The following ZFHX2 variants were observed in gnomAD, a reference collection of about 807,000 sequenced individuals.
ZFHX2 encodes zinc finger homeobox protein 2.
Under a neutral mutation model 164.8 loss-of-function variants are expected in ZFHX2, and 75 were observed. The observed-to-expected ratio is 0.46, with a 90% confidence interval of 0.38 to 0.55. ZFHX2 has a LOEUF of 0.55. Among genes scored for constraint, ZFHX2 ranks in the 20% least tolerant of loss-of-function variants. The pLI, the probability that ZFHX2 is intolerant of heterozygous loss-of-function variation, is 0.00. For missense variants in ZFHX2, 2,933 were observed against 3,308.0 expected (o/e 0.89, Z 2.78); for synonymous variants, 1,217 against 1,351.4 (o/e 0.90, Z 2.18).
intron 3 of ZFHX2, 180 bp from the exon 4 acceptor site, chr14:23,531,901 C>G: frequency 1.2e-6 from 1 of 808,484 alleles, no homozygotes; most frequent in Non-Finnish European, 1.7e-6. Flanking sequence ...CTCAGCCTCC[C>G]GAGTAGCTGG....
intron 1 of ZFHX2, chr14:23,537,871 T>A (rs1880356827): frequency 6.6e-6 from 1 of 152,208 alleles, no homozygotes; most frequent in Non-Finnish European, 1.5e-5. Flanking sequence ...CCCCACCTGG[T>A]GGGAATAACT....
rs1282831078 is a variant in ZFHX2, at chr14:23,522,362, G to C, written c.7319C>G (p.Thr2440Ser). 6.5e-7 allele frequency: 1 copy of C among 1,536,082 alleles called. No homozygotes were observed. Among genetic ancestry groups the C allele is most frequent in the Admixed American group, 2.0e-5 (1 of 50,980 alleles). The change falls in exon 10 of 10, where the codon ACT (threonine) becomes AGT (serine). Residue 2440 changes from threonine (T) to serine (S), a missense_variant. Coordinates refer to ENST00000419474, the MANE Select transcript of ZFHX2 (RefSeq NM_033400.3). ...GEVDELLTGS[T>S]GISTVDVTHR... Reference sequence around the variant, plus strand: ...GGTTACATCCACGGTGGAGATGCCAGTGCTGCCTGTCAGCAGCTCATCAAC... The same window carrying C: ...GGTTACATCCACGGTGGAGATGCCACTGCTGCCTGTCAGCAGCTCATCAAC...
At chr14:23,538,743 G>A (rs956803738) in intron 1 of ZFHX2, among the ~76,000 whole-genome samples, 7 of 152,184 alleles carry the variant, frequency 4.6e-5, no homozygotes, top group Non-Finnish European at 7.3e-5. Context: ...GAGGAAGAGG[G>A]TGGATCTGGT....
In ZFHX2 at chr14:23,523,075, C is replaced by T. The variant is rs1595132299; in HGVS notation, c.6739+128G>A. ...ATGCCCCTTCCCTCCCTTCTTTCCC[C>T]CAAGAGCCTGATGCAAAGGAAGGCC... On this transcript the variant is annotated intron_variant, in intron 9 of 9. Coordinates refer to ENST00000419474, the MANE Select transcript of ZFHX2 (RefSeq NM_033400.3). The surrounding 1 kb of genome is among the most constrained non-coding windows in gnomAD (Gnocchi z 4.1). The T allele has an allele frequency of 5.0e-6, 7 of 1,404,246 alleles. No homozygotes were observed. In the East Asian group the frequency reaches 1.8e-4, roughly 36 times the overall value. 87.0% of individuals were successfully genotyped at this position (1,404,246 alleles called of 1,614,324 possible). A position where few individuals can be genotyped will look rare whatever the true frequency, so the allele number is the denominator to read the frequency against.
At chr14:23,550,746 C>T (rs1444125646) in intron 1 of ZFHX2, among the ~76,000 whole-genome samples, 4 of 151,106 alleles carry the variant, frequency 2.6e-5, no homozygotes, top group Non-Finnish European at 5.9e-5. Flanking sequence ...CCCTCACCTA[C>T]TCAACACTTT....
Position 23,533,093 on chromosome 14 carries a change from C to T in ZFHX2, c.2042-9G>A. 6.6e-7 allele frequency: 1 copy of T among 1,508,406 alleles called. No homozygotes were observed. The highest frequency in any genetic ancestry group is 1.2e-5 in the South Asian group (1 of 80,304). 93.4% of individuals were successfully genotyped at this position (1,508,406 alleles called of 1,614,324 possible). A position where few individuals can be genotyped will look rare whatever the true frequency, so the allele number is the denominator to read the frequency against. On this transcript the variant is annotated splice_polypyrimidine_tract_variant and intron_variant, in intron 2 of 9. Transcript: ENST00000419474. This position sits in a 1 kb window ranked among gnomAD's most constrained non-coding sequence, Gnocchi z 4.8. The stretch of plus-strand genomic sequence containing the variant: ...GGATAGGCTTCCAGGGGCTAGAGGA[C>T]AGAGACAGATTAGTGGCCCAAGAAA...
Position 23,525,196 on chromosome 14 carries a change from G to A in ZFHX2, c.4746C>T (p.Ser1582=). The change falls in exon 9 of 10, where the codon AGC becomes AGT. Residue 1582 remains serine (S), a synonymous_variant. Coordinates refer to ENST00000419474, the MANE Select transcript of ZFHX2 (RefSeq NM_033400.3). This position sits in a 1 kb window ranked among gnomAD's most constrained non-coding sequence, Gnocchi z 5.9. The part of the protein sequence containing the change: ...GGHWPIEEEE[S]SRGNLPPLVP... ...CCAGGGGAGGAAGATTCCCTCTGGAGCTTTCTTCCTCTTCTATGGGCCAGT... is the reference window on the plus strand; with the variant it reads ...CCAGGGGAGGAAGATTCCCTCTGGAACTTTCTTCCTCTTCTATGGGCCAGT... 6 of 1,536,132 alleles carry A rather than the reference G, an allele frequency of 3.9e-6. No homozygotes were observed. Among genetic ancestry groups the A allele is most frequent in the Non-Finnish European group, 4.4e-6 (5 of 1,146,906 alleles).
intron 5 of ZFHX2, 55 bp from the exon 6 acceptor site, chr14:23,529,823 G>A: frequency 6.7e-7 from 1 of 1,497,882 alleles, no homozygotes; most frequent in Non-Finnish European, 9.0e-7. Flanking sequence ...AAGATGATTT[G>A]TAGCAGAGAG....
intron 6 of ZFHX2, 197 bp downstream of exon 6, chr14:23,529,513 G>T: frequency 1.7e-6 from 1 of 595,060 alleles, no homozygotes; most frequent in Non-Finnish European, 3.0e-6. Context: ...CTCCCTCTGT[G>T]CTTGACCCTG....
chr14:23,532,431 G>A (rs1839552084), intron 3 of ZFHX2, 136 bp downstream of exon 3: 3 of 1,097,214 alleles, frequency 2.7e-6, no homozygotes, highest in Non-Finnish European at 2.5e-6. Flanking sequence ...TGGTACATAT[G>A]TCATTACCTG....
chr14:23,525,686 C>T lies in ZFHX2; in HGVS notation c.4256G>A (p.Gly1419Asp). The T allele has an allele frequency of 6.5e-7, 1 of 1,530,242 alleles. No individual in the cohort carries two copies. Among genetic ancestry groups the T allele is most frequent in the Non-Finnish European group, 8.7e-7 (1 of 1,143,262 alleles). 94.8% of individuals were successfully genotyped at this position (1,530,242 alleles called of 1,614,324 possible). A position where few individuals can be genotyped will look rare whatever the true frequency, so the allele number is the denominator to read the frequency against. ...EWERPPMAKE[G>D]NEAGPSSPPD... is the part of the protein sequence containing the mutation. ...GGGTGAGGAAGGCCCTGCCTCATTA[C>T]CCTCTTTGGCCATGGGGGGCCGCTC... Residue 1419 changes from glycine (G) to aspartate (D), a missense_variant, in exon 9 of 10, where the codon GGT (glycine) becomes GAT (aspartate). Transcript: ENST00000419474. This position sits in a 1 kb window ranked among gnomAD's most constrained non-coding sequence, Gnocchi z 5.9.
Position 23,534,222 on chromosome 14 carries a change from G to T in ZFHX2, c.1104C>A (p.Gly368=), listed in dbSNP as rs1299409167. 1.3e-6 allele frequency: 2 copies of T among 1,509,802 alleles called. No individual in the cohort carries two copies. Among genetic ancestry groups the T allele is most frequent in the Non-Finnish European group, 1.8e-6 (2 of 1,132,802 alleles). The allele number at this position is 1,509,802 out of a possible 1,614,324, so 93.5% of individuals were successfully genotyped here. A position where few individuals can be genotyped will look rare whatever the true frequency, so the allele number is the denominator to read the frequency against. The part of the protein sequence containing the change: ...TQAKESPVAA[G]EAGPDWFPEG... ...CAGGGAACCAATCTGGCCCTGCCTC[G>T]CCTGCTGCTACTGGCGATTCTTTGG... is the stretch of plus-strand genomic sequence containing the variant. Residue 368 remains glycine (G), a synonymous_variant, in exon 2 of 10, where the codon GGC becomes GGA. Transcript: ENST00000419474. This position sits in a 1 kb window ranked among gnomAD's most constrained non-coding sequence, Gnocchi z 4.5.
chr14:23,534,144 G>T lies in ZFHX2; in HGVS notation c.1182C>A (p.Pro394=), dbSNP rs1879897919. Residue 394 remains proline, a synonymous_variant, in exon 2 of 10, where the codon CCC becomes CCA. Transcript: ENST00000419474. This position sits in a 1 kb window ranked among gnomAD's most constrained non-coding sequence, Gnocchi z 4.5. ...GLCPPLNQSS[P]TSKEGGTLPA... ...GGAGAGTGCCCCCCTCCTTGGAGGT[G>T]GGTGAGCTTTGGTTGAGTGGGGGGC... is the stretch of plus-strand genomic sequence containing the variant. 1.4e-6 allele frequency: 2 copies of T among 1,474,458 alleles called. No individual in the cohort carries two copies. Among genetic ancestry groups the T allele is most frequent in the Non-Finnish European group, 1.8e-6 (2 of 1,116,546 alleles). 91.3% of individuals were successfully genotyped at this position (1,474,458 alleles called of 1,614,324 possible).
rs1291295436 is a variant in ZFHX2 at position 23,520,943 on chromosome 14, C to T, written c.*1019G>A. 1 of 149,514 alleles carries T rather than the reference C, an allele frequency of 6.7e-6. No homozygotes were observed. Among genetic ancestry groups the T allele is most frequent in the Non-Finnish European group, 1.5e-5 (1 of 67,634 alleles). The allele number at this position is 149,514 out of a possible 1,614,324, so 9.3% of individuals were successfully genotyped here. A position where few individuals can be genotyped will look rare whatever the true frequency, so the allele number is the denominator to read the frequency against. On this transcript the variant is annotated 3_prime_UTR_variant, in exon 10 of 10. Transcript: ENST00000419474. This position sits in a 1 kb window ranked among gnomAD's most constrained non-coding sequence, Gnocchi z 8.7. The stretch of plus-strand genomic sequence containing the variant: ...GTTCATTCCTCTGGTGTCCGTTTCT[C>T]TCTTTTGTGCGCGTGTGCACGTACT...
At chr14:23,527,509 C>G in intron 7 of ZFHX2, 95 bp downstream of exon 7, 1 of 1,470,138 alleles carries the variant, frequency 6.8e-7, no homozygotes, top group Non-Finnish European at 9.1e-7. Flanking sequence ...CTGCCCCCAA[C>G]ACATGCACCT....
chr14:23,535,194 G>T lies in ZFHX2; in HGVS notation c.132C>A (p.Ala44=). 2 of 1,530,458 alleles carry T rather than the reference G, an allele frequency of 1.3e-6. No individual in the cohort carries two copies. Among genetic ancestry groups the T allele is most frequent in the Non-Finnish European group, 8.8e-7 (1 of 1,142,092 alleles). The allele number at this position is 1,530,458 out of a possible 1,614,324, so 94.8% of individuals were successfully genotyped here. The change falls in exon 2 of 10, where the codon GCC becomes GCA. Residue 44 remains alanine, a synonymous_variant. Transcript: ENST00000419474. This position sits in a 1 kb window ranked among gnomAD's most constrained non-coding sequence, Gnocchi z 4.5. ...ACCTCATGTTCTCAGAGGTGGAGGA[G>T]GCAGCAGGGGGATCTTTGGTGACAG... ...SDPVTKDPPA[A]SSTSENMRSS... is the part of the protein sequence containing the mutation.
At chr14:23,547,409 G>C (rs1300111338) in intron 1 of ZFHX2, among the ~76,000 whole-genome samples, 2 of 152,174 alleles carry the variant, frequency 1.3e-5, no homozygotes, top group Non-Finnish European at 2.9e-5. Context: ...AATGGGGTGG[G>C]GATGCTACTT....
chr14:23,531,513 A>G lies in ZFHX2; in HGVS notation c.2768T>C (p.Leu923Pro). 2 of 1,469,398 alleles carry G rather than the reference A, an allele frequency of 1.4e-6. No homozygotes were observed. The highest frequency in any genetic ancestry group is 9.0e-7 in the Non-Finnish European group (1 of 1,106,648). The allele number at this position is 1,469,398 out of a possible 1,614,324, so 91.0% of individuals were successfully genotyped here. ...EEGLAALQSILSFSHGQLRTP... is the reference protein window; with the variant it reads ...EEGLAALQSIPSFSHGQLRTP... The stretch of plus-strand genomic sequence containing the variant: ...CCGGAGCTGCCCGTGGCTGAAGCTC[A>G]GGATGCTCTGAAGAGCTGCGAGTCC... The change falls in exon 4 of 10, where the codon CTG becomes CCG. Residue 923 changes from leucine to proline, a missense_variant. Coordinates refer to ENST00000419474, the MANE Select transcript of ZFHX2 (RefSeq NM_033400.3).
intron 1 of ZFHX2, among the ~76,000 whole-genome samples, chr14:23,549,462 C>T (rs1881743323): frequency 1.3e-5 from 2 of 152,220 alleles, no homozygotes; most frequent in Admixed American, 1.3e-4. Flanking sequence ...ATCCTTTATC[C>T]ACCCTTACTG....
Sources: allele counts gnomAD v4.1 joint callset (sites outside exome capture counted in the v4.1 genomes callset), GRCh38; gene constraint gnomAD v4.1.1; non-coding constraint Gnocchi (gnomAD v3.1); transcripts MANE v1.5; gene names NCBI Gene and HGNC (gene_info 2026-07-23, HGNC 2026-07-21).